The following RFX3 variants were observed in gnomAD, a reference collection of about 807,000 sequenced individuals.
RFX3 encodes transcription factor RFX3.
In RFX3, 14 loss-of-function variants were observed where a neutral mutation model predicts 98.6. The ratio of observed to expected loss-of-function variants is 0.14; its 90% CI spans 0.09 to 0.22. The LOEUF (loss-of-function observed/expected upper bound fraction) is 0.22. RFX3 is among the 10% of genes least tolerant of loss of function. The pLI is 1.00. For synonymous variants in RFX3, 383 were observed against 328.4 expected (o/e 1.17, Z -1.80); for missense variants, 639 against 926.9 (o/e 0.69, Z 4.03).
At chr9:3,461,919 G>A (rs1847722396) in intron 1 of RFX3, among the ~76,000 whole-genome samples, 2 of 151,816 alleles carry the variant, frequency 1.3e-5, no homozygotes, top group South Asian at 4.1e-4. Flanking sequence ...CTGAAAGGGA[G>A]AACACACCCT....
At chr9:3,275,656 T>C (rs1586840616) in intron 8 of RFX3, 44 bp from the exon 9 acceptor site, 1 of 1,198,318 alleles carries the variant, frequency 8.3e-7, no homozygotes, top group Middle Eastern at 1.9e-4. Flanking sequence ...TTGTGGATGG[T>C]GCCAATTACA....
chr9:3,449,829 C>T (rs1406760051), intron 1 of RFX3, among the ~76,000 whole-genome samples: 8 of 149,992 alleles, frequency 5.3e-5, no homozygotes, highest in Non-Finnish European at 8.9e-5. Flanking sequence ...TATCACACCA[C>T]TGCACTCCAG....
intron 2 of RFX3, among the ~76,000 whole-genome samples, chr9:3,378,768 C>T (rs1321465528): frequency 6.6e-6 from 1 of 151,872 alleles, no homozygotes; most frequent in Non-Finnish European, 1.5e-5. Flanking sequence ...GTTGGCCAGG[C>T]TGGTTTCAAA....
chr9:3,276,874 C>T (rs1439838875), intron 8 of RFX3, among the ~76,000 whole-genome samples: 1 of 151,848 alleles, frequency 6.6e-6, no homozygotes, highest in African/African-American at 2.4e-5. Flanking sequence ...AACATGTATT[C>T]CATCTATAAA....
intron 3 of RFX3, among the ~76,000 whole-genome samples, chr9:3,341,344 T>C (rs962225911): frequency 2.0e-5 from 3 of 151,810 alleles, no homozygotes; most frequent in African/African-American, 4.8e-5. Flanking sequence ...GCATGGCACA[T>C]GTATACATAT....
At chr9:3,288,095 T>C (rs767790501) in intron 7 of RFX3, 36 bp downstream of exon 7, 7 of 1,603,148 alleles carry the variant, frequency 4.4e-6, no homozygotes, top group East Asian at 4.5e-5. Context: ...AAGAAATACA[T>C]AGCTTGGACA....
At chr9:3,385,707 A>T (rs1023773714) in intron 2 of RFX3, among the ~76,000 whole-genome samples, 4 of 150,894 alleles carry the variant, frequency 2.7e-5, no homozygotes, top group Non-Finnish European at 5.9e-5. Flanking sequence ...AAAAAAAAGA[A>T]AAGAAAAGAA....
chr9:3,259,173 T>C (rs1822540471), intron 13 of RFX3, among the ~76,000 whole-genome samples: 1 of 152,000 alleles, frequency 6.6e-6, no homozygotes, highest in Non-Finnish European at 1.5e-5. Flanking sequence ...TTTTTTTGTT[T>C]GTTTGCACGT....
intron 6 of RFX3, among the ~76,000 whole-genome samples, chr9:3,292,094 A>C (rs1047313935): frequency 2.8e-5 from 4 of 143,440 alleles, no homozygotes; most frequent in South Asian, 2.2e-4. Context: ...AAAAAAAAAA[A>C]AAAAAACTCT....
intron 2 of RFX3, among the ~76,000 whole-genome samples, chr9:3,375,956 T>G (rs1255189331): frequency 6.6e-6 from 1 of 150,618 alleles, no homozygotes; most frequent in Admixed American, 6.6e-5. Context: ...CGAGACTCCA[T>G]CTCCAAAAAA....
At chr9:3,410,161 C>CTGTGTGTGTG (rs555349379) in intron 1 of RFX3, among the ~76,000 whole-genome samples, 13,209 of 113,908 alleles carry the variant, frequency 0.12, 1,073 homozygotes, top group Non-Finnish European at 0.12. Flanking sequence ...GTGAGATAAA[C>CTGTGTGTGTG]TGTGTGTGTG....
At chr9:3,347,737 A>C (rs1563964837) in intron 2 of RFX3, among the ~76,000 whole-genome samples, 1 of 152,030 alleles carries the variant, frequency 6.6e-6, no homozygotes, top group Non-Finnish European at 1.5e-5. Context: ...GAGACAGGAG[A>C]ATCACTTGAA....
chr9:3,335,937 T>A (rs890270157), intron 3 of RFX3, among the ~76,000 whole-genome samples: 5 of 152,206 alleles, frequency 3.3e-5, no homozygotes, highest in African/African-American at 1.2e-4. Context: ...ATTATGGCAA[T>A]TTATCTTAGC....
intron 14 of RFX3, among the ~76,000 whole-genome samples, chr9:3,256,737 C>T (rs1436590842): frequency 6.6e-6 from 1 of 152,104 alleles, no homozygotes; most frequent in Non-Finnish European, 1.5e-5. Flanking sequence ...TCAGACGTTC[C>T]CATCTGAGGA....
chr9:3,450,628 C>A (rs147718796), intron 1 of RFX3, among the ~76,000 whole-genome samples: 55 of 152,242 alleles, frequency 3.6e-4, no homozygotes, highest in African/African-American at 1.3e-3. Flanking sequence ...AGTTTAAAGT[C>A]TTTCCAATAT....
intron 1 of RFX3, chr9:3,488,649 T>C: frequency 4.0e-6 from 1 of 250,890 alleles, no homozygotes; most frequent in Non-Finnish European, 6.3e-6. Flanking sequence ...TAAATGCAAT[T>C]ACTAACTATA....
At chr9:3,268,576 T>A (rs1298298882) in intron 11 of RFX3, among the ~76,000 whole-genome samples, 7 of 151,904 alleles carry the variant, frequency 4.6e-5, no homozygotes, top group Non-Finnish European at 5.9e-5. Context: ...GGGTGGTATA[T>A]CAATGCATCT....
chr9:3,493,602 T>C (rs982619583), intron 1 of RFX3, among the ~76,000 whole-genome samples: 1 of 147,984 alleles, frequency 6.8e-6, no homozygotes, highest in Non-Finnish European at 1.5e-5. Context: ...GAGAATGGTG[T>C]GAACCCAGGA....
At chr9:3,429,092 G>A (rs895365370) in intron 1 of RFX3, among the ~76,000 whole-genome samples, 24 of 148,326 alleles carry the variant, frequency 1.6e-4, no homozygotes, top group African/African-American at 5.5e-4. Flanking sequence ...GCGCGATCTC[G>A]GCTCACTGCA....
Sources: gnomAD v4.1 joint callset for allele counts (sites outside exome capture counted in the v4.1 genomes callset) on GRCh38, gnomAD v4.1.1 for gene constraint, MANE v1.5 for transcripts, NCBI Gene and HGNC (gene_info 2026-07-23, HGNC 2026-07-21) for gene names.